Variants in DNAH17 observed in about 807,000 individuals in gnomAD.
The protein encoded by DNAH17 is axonemal beta dynein heavy chain 17.
A neutral mutation model predicts 485.6 loss-of-function variants in DNAH17; 376 were observed. That is an observed-to-expected ratio of 0.77 (90% CI 0.71 to 0.84). The LOEUF (loss-of-function observed/expected upper bound fraction) is 0.84. Among genes scored for constraint, DNAH17 ranks in the 40% least tolerant of loss-of-function variants. DNAH17 has a pLI of 0.00. For missense variants in DNAH17, 6,370 were observed against 5,839.3 expected (o/e 1.09, Z -2.96); for synonymous variants, 3,031 against 2,405.9 (o/e 1.26, Z -7.60).
chr17:78,575,208 G>A, intron 1 of DNAH17, 126 bp from the exon 2 acceptor site: 1 of 716,396 alleles, frequency 1.4e-6, no homozygotes, highest in Non-Finnish European at 2.2e-6. Context: ...TCGAGAGTGT[G>A]CAGTTTTTAG....
Position 78,463,052 on chromosome 17 carries a change from A to C in DNAH17, c.8966T>G (p.Phe2989Cys), listed in dbSNP as rs2088219893. The C allele has an allele frequency of 6.2e-7, 1 of 1,613,820 alleles. No individual in the cohort carries two copies. Among genetic ancestry groups the C allele is most frequent in the African/African-American group, 1.3e-5 (1 of 74,908 alleles). Residue 2989 changes from phenylalanine (F) to cysteine (C), a missense_variant, in exon 57 of 81, where the codon TTC becomes TGC. Transcript: ENST00000389840. Reference protein sequence around the residue: ...IPWEVKASISFFMSYVHTTVN... With the variant: ...IPWEVKASISCFMSYVHTTVN... ...GGTGGTGTGCACGTAGGACATGAAG[A>C]AGCTGATGGAGGCCTTGACTTCCCA...
At chr17:78,426,422 G>GTC (rs1286886717) in intron 79 of DNAH17, 35 bp downstream of exon 79, 1 of 1,559,124 alleles carries the variant, frequency 6.4e-7, no homozygotes, top group Non-Finnish European at 8.7e-7. Context: ...CGGTCCCCGA[G>GTC]TCTTAGGAAG....
rs546743473 is a variant in DNAH17, at chr17:78,455,286, C to T, written c.10170+358G>A. On this transcript the variant is annotated intron_variant, in intron 63 of 80. Transcript: ENST00000389840. ...AAGGTGCCATGTGGCTGGTTCTGCCCTGCTGGGACCTCCCCACATTTCCCG... is the reference window on the plus strand; with the variant it reads ...AAGGTGCCATGTGGCTGGTTCTGCCTTGCTGGGACCTCCCCACATTTCCCG... Among the ~76,000 whole-genome samples, 45 of 152,060 alleles carry T rather than the reference C, an allele frequency of 3.0e-4. 2 individuals carry two copies. The South Asian group carries it at 9.3e-3, about 32-fold the overall frequency.
intron 75 of DNAH17, among the ~76,000 whole-genome samples, chr17:78,431,114 A>G (rs2086655625): frequency 6.6e-6 from 1 of 152,108 alleles, no homozygotes; most frequent in Admixed American, 6.5e-5. Flanking sequence ...CCTGGGCTCA[A>G]GCAGTCCTCC....
At chr17:78,491,717 A>T (rs1181352873) in intron 42 of DNAH17, 147 bp from the exon 43 acceptor site, 6 of 1,312,416 alleles carry the variant, frequency 4.6e-6, no homozygotes, top group Non-Finnish European at 6.1e-6. Flanking sequence ...TGAGGTGCCC[A>T]GGCTCCCTGC....
chr17:78,560,813 T>C lies in DNAH17; in HGVS notation c.1958A>G (p.His653Arg), dbSNP rs765628429. 1 of 1,551,836 alleles carries C rather than the reference T, an allele frequency of 6.4e-7. No individual in the cohort carries two copies. Among genetic ancestry groups the C allele is most frequent in the South Asian group, 1.2e-5 (1 of 84,052 alleles). ...QWVAGVDQDC[H>R]FNLGQPLILR... ...AATCAGCGGCTGCCCCAGGTTAAAG[T>C]GGCAGTCCTGGTCCACGCCCGCCAC... is the stretch of plus-strand genomic sequence containing the variant. Residue 653 changes from histidine to arginine, a missense_variant, in exon 13 of 81, where the codon CAC (histidine) becomes CGC (arginine). Physicochemically the swap from His to Arg is conservative, Grantham distance 29 (BLOSUM62 0). Coordinates refer to ENST00000389840, the MANE Select transcript of DNAH17 (RefSeq NM_173628.4).
chr17:78,484,514 G>A (rs75749255), intron 48 of DNAH17, among the ~76,000 whole-genome samples: 390 of 152,202 alleles, frequency 2.6e-3, no homozygotes, highest in African/African-American at 9.1e-3. Context: ...CCTTTACCGG[G>A]TAATGTGCTT....
intron 31 of DNAH17, among the ~76,000 whole-genome samples, chr17:78,503,934 C>G (rs1307355959): frequency 1.3e-5 from 2 of 151,720 alleles, no homozygotes; most frequent in Non-Finnish European, 2.9e-5. Flanking sequence ...CCATTGCACT[C>G]CAGCCTGGGC....
Position 78,526,954 on chromosome 17 carries a change from G to A in DNAH17, c.3550C>T (p.Gln1184Ter). The change falls in exon 23 of 81, where the codon CAG (glutamine) becomes TAG (stop). Residue 1184 changes from glutamine to a stop codon, truncating the protein, a stop_gained. Coordinates refer to ENST00000389840, the MANE Select transcript of DNAH17 (RefSeq NM_173628.4). LOFTEE classifies it high-confidence loss of function. ...AGTGGTGCCACGGTCAGCTTCACCT[G>A]AATGGCCAGTTTCTTGGTATTTGCC... ...HWANTKKLAI[Q>*]VKLTVAPLQA... 6.3e-7 allele frequency: 1 copy of A among 1,588,916 alleles called. No individual in the cohort carries two copies. The highest frequency in any genetic ancestry group is 8.6e-7 in the Non-Finnish European group (1 of 1,167,412).
At chr17:78,566,489 C>A (rs1382336682) in intron 11 of DNAH17, 125 bp downstream of exon 11, 5 of 703,376 alleles carry the variant, frequency 7.1e-6, no homozygotes, top group Non-Finnish European at 1.2e-5. Context: ...AGGAGACGGG[C>A]CCTCCCTCCC....
chr17:78,474,768 C>G (rs991909247), intron 54 of DNAH17, among the ~76,000 whole-genome samples: 1 of 143,560 alleles, frequency 7.0e-6, no homozygotes, highest in East Asian at 2.1e-4. Flanking sequence ...ACCTCAGTCA[C>G]GCGGGCTGGA....
chr17:78,459,177 CG>C lies in DNAH17; in HGVS notation c.9684del (p.Glu3229SerfsTer65). ...KPYQGNPTFD[P>X]EFIRSKSTAA... is the part of the protein sequence containing the mutation. ...GCCGTGGACTTGGAGCGGATGAACTCGGGGTCGAACGTCGGGTTGCCTTGGT... is the reference window on the plus strand; with the variant it reads ...GCCGTGGACTTGGAGCGGATGAACTCGGGTCGAACGTCGGGTTGCCTTGGT... On this transcript the variant is annotated frameshift_variant, in exon 61 of 81. Coordinates refer to ENST00000389840, the MANE Select transcript of DNAH17 (RefSeq NM_173628.4). LOFTEE classifies it high-confidence loss of function. 1 of 1,613,882 alleles carries C rather than the reference CG, an allele frequency of 6.2e-7. No homozygotes were observed. The highest frequency in any genetic ancestry group is 1.1e-5 in the South Asian group (1 of 91,070).
intron 75 of DNAH17, among the ~76,000 whole-genome samples, chr17:78,432,535 G>A (rs779985042): frequency 6.6e-6 from 1 of 152,328 alleles, no homozygotes; most frequent in South Asian, 2.1e-4. Flanking sequence ...AGCATACCAA[G>A]TTCCAGGCCC....
intron 54 of DNAH17, among the ~76,000 whole-genome samples, chr17:78,473,351 A>T (rs370391145): frequency 0.012 from 1,801 of 152,098 alleles, 24 homozygotes; most frequent in South Asian, 0.075. Context: ...GAGACCATCC[A>T]GGCTAACACG....
Position 78,459,063 on chromosome 17 carries a change from C to T in DNAH17, c.9799G>A (p.Glu3267Lys), listed in dbSNP as rs1414820177. Residue 3267 changes from glutamate to lysine, a missense_variant, in exon 61 of 81, where the codon GAG (glutamate) becomes AAG (lysine). Transcript: ENST00000389840. Reference protein sequence around the residue: ...DVAPKRQALEEANAELAEAQE... With the variant: ...DVAPKRQALEKANAELAEAQE... ...GCCTCTGCCAGCTCTGCATTAGCCT[C>T]CTCCAGTGCCTGCCTCTTGGGCGCC... The T allele has an allele frequency of 6.2e-7, 1 of 1,614,046 alleles. No homozygotes were observed. The highest frequency in any genetic ancestry group is 1.7e-5 in the Admixed American group (1 of 60,026).
At chr17:78,474,865 A>T (rs2088935499) in intron 54 of DNAH17, among the ~76,000 whole-genome samples, 1 of 150,418 alleles carries the variant, frequency 6.6e-6, no homozygotes, top group South Asian at 2.1e-4. Flanking sequence ...GCGGGCCGGA[A>T]GATTTCACAC....
chr17:78,548,625 C>T (rs1383794201), intron 16 of DNAH17, among the ~76,000 whole-genome samples: 1 of 152,214 alleles, frequency 6.6e-6, no homozygotes, highest in Non-Finnish European at 1.5e-5. Context: ...AATCTTTGAA[C>T]AGCCTCCTTT....
At chr17:78,547,594 C>T (rs2091796951) in intron 16 of DNAH17, among the ~76,000 whole-genome samples, 1 of 150,332 alleles carries the variant, frequency 6.7e-6, no homozygotes, top group African/African-American at 2.5e-5. Context: ...AAATTTTCTT[C>T]TATTACATCT....
chr17:78,537,437 C>T lies in DNAH17; in HGVS notation c.2721G>A (p.Glu907=), dbSNP rs182941377. ...PLFEIRMELD[E]DGLTFNPTLE... is the part of the protein sequence containing the mutation. ...GGGTCGGGTTGAAGGTCAGCCCATCCTCGTCCAGCTCCATGCGGATCTCAA... is the reference window on the plus strand; with the variant it reads ...GGGTCGGGTTGAAGGTCAGCCCATCTTCGTCCAGCTCCATGCGGATCTCAA... The change falls in exon 19 of 81, where the codon GAG becomes GAA. Residue 907 remains glutamate (E), a synonymous_variant. Coordinates refer to ENST00000389840, the MANE Select transcript of DNAH17 (RefSeq NM_173628.4). The T allele has an allele frequency of 2.2e-4, 361 of 1,613,460 alleles. 1 individual carries two copies. In the African/African-American group the frequency reaches 4.2e-3, roughly 19 times the overall value.
Sources: gnomAD v4.1 joint callset for allele counts (sites outside exome capture counted in the v4.1 genomes callset) on GRCh38, gnomAD v4.1.1 for gene constraint, MANE v1.5 for transcripts, NCBI Gene and HGNC (gene_info 2026-07-23, HGNC 2026-07-21) for gene names.